CACNA1C: variants seen among roughly 807,000 people sequenced by gnomAD.
CACNA1C encodes calcium voltage-gated channel subunit alpha1 C.
Under a neutral mutation model 229.0 loss-of-function variants are expected in CACNA1C, and 30 were observed. The observed-to-expected ratio is 0.13, with a 90% CI of 0.10 to 0.18. CACNA1C has a LOEUF of 0.18. CACNA1C is among the 10% of genes least tolerant of loss of function. The probability of loss-of-function intolerance (pLI) is 1.00; values close to 1 mark genes in which losing one functional copy is unlikely to be tolerated. For synonymous variants in CACNA1C, 1,114 were observed against 1,132.5 expected (o/e 0.98, Z 0.33); for missense variants, 1,658 against 2,845.0 (o/e 0.58, Z 9.49).
Position 2,512,808 on chromosome 12 carries a change from C to T in CACNA1C, c.1218-4C>T. ...TGCCCTGCCCCTCCTCTCACTCTCA[C>T]CAGAGAGTTTTCCAAAGAGAGGGAG... On this transcript the variant is annotated splice_polypyrimidine_tract_variant and splice_region_variant and intron_variant, in intron 8 of 46. Coordinates refer to ENST00000399655, the MANE Select transcript of CACNA1C (RefSeq NM_000719.7). This position sits in a 1 kb window ranked among gnomAD's most constrained non-coding sequence, Gnocchi z 4.3. 1 of 1,607,988 alleles carries T rather than the reference C, an allele frequency of 6.2e-7. No individual in the cohort carries two copies. The highest frequency in any genetic ancestry group is 8.5e-7 in the Non-Finnish European group (1 of 1,176,828).
At chr12:2,553,711 G>A (rs1205883550) in intron 10 of CACNA1C, among the ~76,000 whole-genome samples, 4 of 152,232 alleles carry the variant, frequency 2.6e-5, no homozygotes, top group Non-Finnish European at 5.9e-5. Context: ...GTGTGGTATC[G>A]CGGGCAACAT....
chr12:2,429,982 T>C (rs748026876), intron 3 of CACNA1C, among the ~76,000 whole-genome samples: 6 of 152,198 alleles, frequency 3.9e-5, no homozygotes, highest in African/African-American at 1.4e-4. Context: ...TGGGGACTTA[T>C]AAACCACAGA....
intron 3 of CACNA1C, among the ~76,000 whole-genome samples, chr12:2,447,105 G>A (rs887539452): frequency 2.6e-5 from 4 of 152,152 alleles, no homozygotes; most frequent in Admixed American, 1.3e-4. Context: ...GGGCTAAGGG[G>A]CTGTGTGACA....
In CACNA1C at chr12:2,067,580, C is replaced by G. The variant is rs988558181; in HGVS notation, c.49+13969C>G. Among the ~76,000 whole-genome samples, 2 of 151,854 alleles carry G rather than the reference C, an allele frequency of 1.3e-5. No homozygotes were observed. ...CAGAGGGTCTTCTGGGTGCTGACAC[C>G]AAAGCAGAGAGAGCTCGTGGTGTGC... On this transcript the variant is annotated intron_variant, in intron 1 of 46. Transcript: ENST00000399655. This position sits in a 1 kb window ranked among gnomAD's most constrained non-coding sequence, Gnocchi z 5.3.
rs531378073 is a variant in CACNA1C, at chr12:2,224,582, T to A, written c.477+104152T>A. 3.3e-5 allele frequency among the ~76,000 whole-genome samples: 5 copies of A among 152,262 alleles called. No individual in the cohort carries two copies. The East Asian group carries it at 9.7e-4, about 29-fold the overall frequency. ...AGTAAGGGAAGAATGGGGTGGTGGGTCCAGAGTTGTGTGTTATAAGATGAC... is the reference window on the plus strand; with the variant it reads ...AGTAAGGGAAGAATGGGGTGGTGGGACCAGAGTTGTGTGTTATAAGATGAC... On this transcript the variant is annotated intron_variant, in intron 3 of 46. Transcript: ENST00000399655.
intron 3 of CACNA1C, among the ~76,000 whole-genome samples, chr12:2,307,831 G>A (rs75726475): frequency 0.011 from 1,644 of 152,260 alleles, 13 homozygotes; most frequent in Non-Finnish European, 0.019. Flanking sequence ...AAGGCAATGC[G>A]GCTGCCCACT....
chr12:2,616,887 C>T (rs527754800), intron 29 of CACNA1C, among the ~76,000 whole-genome samples: 2 of 152,352 alleles, frequency 1.3e-5, no homozygotes, highest in South Asian at 4.1e-4. Context: ...TTGCCCTGCA[C>T]GCTGGTCTCT....
chr12:2,539,823 G>C (rs1341970776), intron 9 of CACNA1C, among the ~76,000 whole-genome samples: 3 of 130,436 alleles, frequency 2.3e-5, no homozygotes, highest in Admixed American at 7.6e-5. Flanking sequence ...AAGGACTTAA[G>C]GAGGGCTTCA....
At chr12:2,087,191 G>T (rs2068029514) in intron 1 of CACNA1C, among the ~76,000 whole-genome samples, 1 of 152,158 alleles carries the variant, frequency 6.6e-6, no homozygotes. Context: ...TTTCCCAGCA[G>T]CTGATCCTCA....
At position 2,190,127 on chromosome 12, in the gene CACNA1C, G is replaced by A. The variant is rs572791554; in HGVS notation, c.477+69697G>A. The stretch of plus-strand genomic sequence containing the variant: ...TTTAAAATTTATTGGAAGGAGGGAG[G>A]GCTTTTTGTGCATGATGCGTTACCA... On this transcript the variant is annotated intron_variant, in intron 3 of 46. Transcript: ENST00000399655. Among the ~76,000 whole-genome samples the A allele has an allele frequency of 2.0e-5, 3 of 152,266 alleles. No individual in the cohort carries two copies. The South Asian group carries it at 6.2e-4, about 32-fold the overall frequency.
chr12:2,495,836 G>T (rs917885566), intron 7 of CACNA1C, among the ~76,000 whole-genome samples: 2 of 152,192 alleles, frequency 1.3e-5, no homozygotes, highest in African/African-American at 4.8e-5. Flanking sequence ...ATACACACAC[G>T]TGCACATACA....
At chr12:2,261,744 AACACAC>A (rs141539866) in intron 3 of CACNA1C, among the ~76,000 whole-genome samples, 6,823 of 151,540 alleles carry the variant, frequency 0.045, 177 homozygotes, top group Middle Eastern at 0.068. Context: ...GTCCTTGTGC[AACACAC>A]ACACACACAC....
intron 3 of CACNA1C, among the ~76,000 whole-genome samples, chr12:2,326,675 C>A (rs753395455): frequency 2.3e-4 from 35 of 152,184 alleles, no homozygotes; most frequent in Non-Finnish European, 3.8e-4. Flanking sequence ...TTGTTTTTGG[C>A]CTTGAGGGCC....
chr12:2,645,106 G>A (rs1476767595), intron 30 of CACNA1C, among the ~76,000 whole-genome samples: 2 of 152,220 alleles, frequency 1.3e-5, no homozygotes, highest in Non-Finnish European at 2.9e-5. Context: ...AAACAAGGAT[G>A]AAAGAATTGG....
At chr12:2,305,250 G>C (rs561118894) in intron 3 of CACNA1C, among the ~76,000 whole-genome samples, 2 of 152,326 alleles carry the variant, frequency 1.3e-5, no homozygotes, top group South Asian at 4.1e-4. Context: ...TAAAAGCTGG[G>C]GCAGATTCTG....
rs1006935738 is a variant in CACNA1C, at chr12:2,653,595, C to G, written c.4075-240C>G. ...CTTGATTGTTTTGCCCAGGTAGTGT[C>G]GCACTATATCGTTACTCTGCGGCCT... On this transcript the variant is annotated intron_variant, in intron 32 of 46. Coordinates refer to ENST00000399655, the MANE Select transcript of CACNA1C (RefSeq NM_000719.7). The surrounding 1 kb of genome is among the most constrained non-coding windows in gnomAD (Gnocchi z 4.7). Among the ~76,000 whole-genome samples the G allele has an allele frequency of 6.6e-6, 1 of 152,172 alleles. No individual in the cohort carries two copies. Among genetic ancestry groups the G allele is most frequent in the Admixed American group, 6.5e-5 (1 of 15,278 alleles).
rs1204310133 is a variant in CACNA1C at position 2,601,409 on chromosome 12, C to T, written c.2854-445C>T. ...CCCCGCCCCCCAACCCACCCACTCA[C>T]GGCAGATGTCTGGTGCTCTCAGCTG... On this transcript the variant is annotated intron_variant, in intron 21 of 46. Coordinates refer to ENST00000399655, the MANE Select transcript of CACNA1C (RefSeq NM_000719.7). The surrounding 1 kb of genome is among the most constrained non-coding windows in gnomAD (Gnocchi z 5.9). 6.6e-6 allele frequency among the ~76,000 whole-genome samples: 1 copy of T among 152,018 alleles called. No homozygotes were observed. Among genetic ancestry groups the T allele is most frequent in the Non-Finnish European group, 1.5e-5 (1 of 67,992 alleles).
At chr12:2,427,519 G>A (rs920671710) in intron 3 of CACNA1C, among the ~76,000 whole-genome samples, 3 of 71,130 alleles carry the variant, frequency 4.2e-5, no homozygotes, top group Admixed American at 1.7e-4. Context: ...GAAATGGCTC[G>A]CTACCGACCC....
chr12:2,091,271 G>A (rs2070782339), intron 1 of CACNA1C, among the ~76,000 whole-genome samples: 1 of 152,142 alleles, frequency 6.6e-6, no homozygotes, highest in Admixed American at 6.5e-5. Context: ...CCATCCTGCT[G>A]TTTCTACCTT....
Sources: gnomAD v4.1 joint callset for allele counts (sites outside exome capture counted in the v4.1 genomes callset) on GRCh38, gnomAD v4.1.1 for gene constraint, Gnocchi (gnomAD v3.1) non-coding constraint, MANE v1.5 for transcripts, NCBI Gene and HGNC (gene_info 2026-07-23, HGNC 2026-07-21) for gene names.